PGM5: variants seen among roughly 807,000 people sequenced by gnomAD.
PGM5 encodes phosphoglucomutase-like protein 5.
A neutral mutation model predicts 59.2 loss-of-function variants in PGM5; 23 were observed. The ratio of observed to expected loss-of-function variants is 0.39; its 90% confidence interval spans 0.28 to 0.55. The LOEUF is 0.55. Among genes scored for constraint, PGM5 ranks in the 20% least tolerant of loss-of-function variants. The pLI, the probability that PGM5 is intolerant of heterozygous loss-of-function variation, is 0.66. For missense variants in PGM5, 574 were observed against 748.3 expected (o/e 0.77, Z 2.72); for synonymous variants, 214 against 286.0 (o/e 0.75, Z 2.54).
chr9:68,455,536 G>A (rs1394366095), intron 6 of PGM5, among the ~76,000 whole-genome samples: 5 of 151,912 alleles, frequency 3.3e-5, no homozygotes, highest in African/African-American at 1.2e-4. Flanking sequence ...AAGGTTTTGA[G>A]TTCTATTCAT....
At chr9:68,411,482 G>A (rs1411238651) in intron 6 of PGM5, among the ~76,000 whole-genome samples, 7 of 83,870 alleles carry the variant, frequency 8.3e-5, no homozygotes, top group East Asian at 3.0e-4. Flanking sequence ...GTGTGTGTGT[G>A]TGTGTGTATA....
intron 6 of PGM5, among the ~76,000 whole-genome samples, chr9:68,404,573 T>G (rs1554680943): frequency 2.0e-5 from 3 of 152,208 alleles, no homozygotes. Context: ...ACAAATCTTG[T>G]CAGCCCTATC....
At chr9:68,425,524 G>GA (rs1271706771) in intron 6 of PGM5, among the ~76,000 whole-genome samples, 2 of 152,068 alleles carry the variant, frequency 1.3e-5, no homozygotes, top group Non-Finnish European at 2.9e-5. Flanking sequence ...ACATAATGGA[G>GA]AAAAAAACCC....
At chr9:68,453,615 G>A (rs7465834) in intron 6 of PGM5, among the ~76,000 whole-genome samples, 469 of 152,310 alleles carry the variant, frequency 3.1e-3, no homozygotes, top group Non-Finnish European at 5.3e-3. Flanking sequence ...GGGATTACAG[G>A]GGTGAACATG....
At chr9:68,516,558 C>T (rs1824827805) in intron 10 of PGM5, among the ~76,000 whole-genome samples, 1 of 152,302 alleles carries the variant, frequency 6.6e-6, no homozygotes. Flanking sequence ...GCATCACCAC[C>T]TGGGGTGAAC....
intron 10 of PGM5, among the ~76,000 whole-genome samples, chr9:68,522,916 A>AT (rs1423057018): frequency 6.6e-6 from 1 of 151,936 alleles, no homozygotes; most frequent in African/African-American, 2.4e-5. Flanking sequence ...CTTTCTTATA[A>AT]TTTTTTGTCA....
chr9:68,478,860 G>C (rs545741385), intron 7 of PGM5, among the ~76,000 whole-genome samples: 1 of 152,196 alleles, frequency 6.6e-6, no homozygotes, highest in Non-Finnish European at 1.5e-5. Context: ...CAGGTTCCAG[G>C]TGGACATATC....
At chr9:68,450,729 C>T (rs1823683516) in intron 6 of PGM5, among the ~76,000 whole-genome samples, 1 of 152,338 alleles carries the variant, frequency 6.6e-6, no homozygotes. Flanking sequence ...GATCATTTCT[C>T]TTTTCTGACT....
At chr9:68,525,362 C>G (rs764282224) in intron 10 of PGM5, among the ~76,000 whole-genome samples, 14 of 152,300 alleles carry the variant, frequency 9.2e-5, no homozygotes, top group East Asian at 3.9e-4. Context: ...CTGCCCTCAT[C>G]ATGTGGCCAC....
In PGM5 at chr9:68,381,088, C is replaced by T. The variant is rs536401304; in HGVS notation, c.424+2727C>T. On this transcript the variant is annotated intron_variant, in intron 2 of 10. Transcript: ENST00000396396. ...ATACTTCCAAACACATTTTGTTAGGCCAGCATCACCTTGATACCTAAAGCC... is the reference window on the plus strand; with the variant it reads ...ATACTTCCAAACACATTTTGTTAGGTCAGCATCACCTTGATACCTAAAGCC... 8.6e-5 allele frequency among the ~76,000 whole-genome samples: 13 copies of T among 151,996 alleles called. No individual in the cohort carries two copies. In the East Asian group the frequency reaches 2.5e-3, roughly 29 times the overall value.
chr9:68,441,337 A>G (rs1162696160), intron 6 of PGM5, among the ~76,000 whole-genome samples: 2 of 152,146 alleles, frequency 1.3e-5, no homozygotes, highest in African/African-American at 4.8e-5. Flanking sequence ...TTTAAAAAAG[A>G]AAAATATAAA....
chr9:68,404,632 C>G (rs1331880509), intron 6 of PGM5, among the ~76,000 whole-genome samples: 2 of 152,204 alleles, frequency 1.3e-5, no homozygotes, highest in African/African-American at 4.8e-5. Flanking sequence ...GGAATCCAGT[C>G]ATCTCATCTC....
chr9:68,428,269 G>T (rs1554682812), intron 6 of PGM5, among the ~76,000 whole-genome samples: 1 of 152,188 alleles, frequency 6.6e-6, no homozygotes, highest in African/African-American at 2.4e-5. Flanking sequence ...GTGTCAGATA[G>T]AAACATTAAT....
chr9:68,387,608 CA>C lies in PGM5; in HGVS notation c.697+23del, dbSNP rs1554678992. 6.2e-7 allele frequency: 1 copy of C among 1,610,696 alleles called. No individual in the cohort carries two copies. On this transcript the variant is annotated intron_variant, in intron 4 of 10. Transcript: ENST00000396396. ...ACGGAGGTAAGCTTGTGATTTTCTCCAAATCAGTGGGCAGGAAATATTGAGA... is the reference window on the plus strand; with the variant it reads ...ACGGAGGTAAGCTTGTGATTTTCTCCAATCAGTGGGCAGGAAATATTGAGA...
chr9:68,428,053 G>A (rs1554682799), intron 6 of PGM5, among the ~76,000 whole-genome samples: 1 of 152,128 alleles, frequency 6.6e-6, no homozygotes, highest in African/African-American at 2.4e-5. Flanking sequence ...CTCCAAATTT[G>A]GCTAAAAATT....
intron 6 of PGM5, among the ~76,000 whole-genome samples, chr9:68,417,042 G>A (rs1823044324): frequency 6.6e-6 from 1 of 152,236 alleles, no homozygotes. Flanking sequence ...AACGGGAGGT[G>A]TGAAGACTGG....
chr9:68,413,520 A>G (rs1822971405), intron 6 of PGM5, among the ~76,000 whole-genome samples: 4 of 152,228 alleles, frequency 2.6e-5, no homozygotes. Flanking sequence ...AGAATTAATT[A>G]AAGATGCTCT....
At chr9:68,467,400 T>G (rs782290208) in intron 7 of PGM5, among the ~76,000 whole-genome samples, 1 of 152,216 alleles carries the variant, frequency 6.6e-6, no homozygotes, top group Non-Finnish European at 1.5e-5. Flanking sequence ...GGAATTCACT[T>G]GACTGTGTGG....
intron 10 of PGM5, among the ~76,000 whole-genome samples, chr9:68,519,069 G>A (rs1480558656): frequency 6.8e-6 from 1 of 148,058 alleles, no homozygotes; most frequent in East Asian, 2.0e-4. Context: ...TAAGGAGACT[G>A]ATGGCTTAGA....
Sources: gnomAD v4.1 joint callset for allele counts (sites outside exome capture counted in the v4.1 genomes callset) on GRCh38, gnomAD v4.1.1 for gene constraint, MANE v1.5 for transcripts, NCBI Gene and HGNC (gene_info 2026-07-23, HGNC 2026-07-21) for gene names.